Variants in ATG5 observed in about 807,000 individuals in gnomAD.
ATG5 encodes autophagy related 5, also known as autophagy protein 5.
ATG5 carries 14 observed loss-of-function variants against 36.5 expected under a neutral mutation model. That is an observed-to-expected ratio of 0.38 (90% CI 0.25 to 0.60). The LOEUF is 0.60. ATG5 is among the 20% of genes least tolerant of loss of function. The probability of loss-of-function intolerance (pLI) is 0.60; values close to 1 mark genes in which losing one functional copy is unlikely to be tolerated. For missense variants in ATG5, 195 were observed against 326.7 expected (o/e 0.60, Z 3.11); for synonymous variants, 95 against 101.5 (o/e 0.94, Z 0.38).
intron 6 of ATG5, among the ~76,000 whole-genome samples, chr6:106,204,727 G>C (rs1481675304): frequency 6.6e-6 from 1 of 152,150 alleles, no homozygotes; most frequent in Non-Finnish European, 1.5e-5. Context: ...GAAGGTGCCT[G>C]CTTCCCTTTC....
At chr6:106,290,824 A>G (rs968713887) in intron 4 of ATG5, among the ~76,000 whole-genome samples, 3 of 152,170 alleles carry the variant, frequency 2.0e-5, no homozygotes, top group African/African-American at 4.8e-5. Context: ...AACTTTTAAA[A>G]CATCAGATGT....
chr6:106,281,587 C>T (rs2114605558), intron 4 of ATG5, among the ~76,000 whole-genome samples: 1 of 152,220 alleles, frequency 6.6e-6, no homozygotes, highest in South Asian at 2.1e-4. Context: ...TGTTAATAGA[C>T]ACTGGGATTG....
At chr6:106,321,421 C>G (rs1771064302) in intron 1 of ATG5, among the ~76,000 whole-genome samples, 2 of 151,632 alleles carry the variant, frequency 1.3e-5, no homozygotes, top group African/African-American at 4.9e-5. Flanking sequence ...TGCAGTGGCG[C>G]CATCTCGGCT....
chr6:106,256,315 G>A (rs997496712), intron 5 of ATG5, among the ~76,000 whole-genome samples: 4 of 152,192 alleles, frequency 2.6e-5, no homozygotes, highest in African/African-American at 9.7e-5. Context: ...GATGCAGTAT[G>A]CAATGCAACA....
At chr6:106,248,990 T>A (rs1778458884) in intron 5 of ATG5, among the ~76,000 whole-genome samples, 1 of 152,146 alleles carries the variant, frequency 6.6e-6, no homozygotes, top group Non-Finnish European at 1.5e-5. Flanking sequence ...AAACATTAAA[T>A]ACCAAAGATT....
intron 5 of ATG5, among the ~76,000 whole-genome samples, chr6:106,277,445 T>C (rs995478230): frequency 6.6e-6 from 1 of 152,224 alleles, no homozygotes; most frequent in African/African-American, 2.4e-5. Context: ...TAATAACTAA[T>C]GGGGACAATT....
intron 5 of ATG5, among the ~76,000 whole-genome samples, chr6:106,258,691 T>G (rs1582621273): frequency 6.6e-6 from 1 of 152,218 alleles, no homozygotes; most frequent in South Asian, 2.1e-4. Flanking sequence ...TTTAGTTACA[T>G]TTCTATAAAT....
At chr6:106,250,831 G>A (rs1362791902) in intron 5 of ATG5, among the ~76,000 whole-genome samples, 2 of 152,190 alleles carry the variant, frequency 1.3e-5, no homozygotes. Context: ...GTTATCAATT[G>A]TATGACTCTC....
At chr6:106,289,489 T>C (rs1780218363) in intron 4 of ATG5, among the ~76,000 whole-genome samples, 1 of 152,152 alleles carries the variant, frequency 6.6e-6, no homozygotes, top group Non-Finnish European at 1.5e-5. Context: ...CACTGATAGC[T>C]TGAACAAACT....
intron 2 of ATG5, among the ~76,000 whole-genome samples, chr6:106,314,720 T>C (rs921528105): frequency 4.0e-5 from 6 of 151,744 alleles, no homozygotes; most frequent in Non-Finnish European, 4.4e-5. Flanking sequence ...CAAAAACTTG[T>C]TTGGAAAAAA....
intron 7 of ATG5, among the ~76,000 whole-genome samples, chr6:106,188,762 A>C (rs1227904590): frequency 6.6e-6 from 1 of 152,222 alleles, no homozygotes; most frequent in African/African-American, 2.4e-5. Context: ...TTTAATTTTT[A>C]ACATAAAAGC....
intron 5 of ATG5, among the ~76,000 whole-genome samples, chr6:106,263,059 C>T (rs1779090213): frequency 6.6e-6 from 1 of 152,220 alleles, no homozygotes; most frequent in Admixed American, 6.5e-5. Context: ...CAGTGGGTCC[C>T]ACTCCTACGG....
intron 6 of ATG5, among the ~76,000 whole-genome samples, chr6:106,244,926 C>T (rs367592243): frequency 1.3e-5 from 2 of 152,172 alleles, no homozygotes; most frequent in East Asian, 3.8e-4. Flanking sequence ...AATACCAATG[C>T]CTAAGGAATT....
intron 6 of ATG5, among the ~76,000 whole-genome samples, chr6:106,208,794 A>T (rs988261665): frequency 6.6e-6 from 1 of 152,248 alleles, no homozygotes; most frequent in African/African-American, 2.4e-5. Context: ...TCTTGTGTCT[A>T]TAATATATAA....
At chr6:106,217,544 C>G (rs1050767500) in intron 6 of ATG5, 2 of 152,192 alleles carry the variant, frequency 1.3e-5, no homozygotes, top group African/African-American at 2.4e-5. Context: ...AACTCCTCAT[C>G]TTCACTTTCT....
chr6:106,195,502 T>G (rs1776139803), intron 7 of ATG5, among the ~76,000 whole-genome samples: 1 of 149,608 alleles, frequency 6.7e-6, no homozygotes, highest in South Asian at 2.1e-4. Context: ...AAATGACAAT[T>G]TTTTTTAATA....
chr6:106,288,693 C>G (rs1230920898), intron 4 of ATG5, among the ~76,000 whole-genome samples: 1 of 152,202 alleles, frequency 6.6e-6, no homozygotes, highest in African/African-American at 2.4e-5. Context: ...CAGAATCTCT[C>G]TGAATCCAAC....
intron 5 of ATG5, chr6:106,271,613 C>T (rs1779456170): frequency 6.6e-6 from 1 of 152,164 alleles, no homozygotes; most frequent in Admixed American, 6.5e-5. Flanking sequence ...CACTTTATTG[C>T]TTTCAAAATA....
chr6:106,300,838 C>A (rs988237081), intron 3 of ATG5, among the ~76,000 whole-genome samples: 1 of 151,834 alleles, frequency 6.6e-6, no homozygotes, highest in Admixed American at 6.6e-5. Context: ...TTTTTTTTTA[C>A]AATTCAAAAA....
Sources: allele counts gnomAD v4.1 joint callset (sites outside exome capture counted in the v4.1 genomes callset), GRCh38; gene constraint gnomAD v4.1.1; transcripts MANE v1.5; gene names NCBI Gene and HGNC (gene_info 2026-07-23, HGNC 2026-07-21).